Variants in SEMA3A observed in about 807,000 individuals in gnomAD.
SEMA3A encodes semaphorin 3A.
Under a neutral mutation model 97.9 loss-of-function variants are expected in SEMA3A, and 29 were observed. That is an observed-to-expected ratio of 0.30 (90% CI 0.22 to 0.40). The LOEUF (loss-of-function observed/expected upper bound fraction) is 0.40, where lower values mean the gene tolerates loss of function less well. SEMA3A is among the 10% of genes least tolerant of loss of function. The pLI, the probability that SEMA3A is intolerant of heterozygous loss-of-function variation, is 1.00. For missense variants in SEMA3A, 763 were observed against 951.3 expected, an observed-to-expected ratio of 0.80 and a Z score of 2.60; for synonymous variants, 321 against 323.7, an observed-to-expected ratio of 0.99 and a Z score of 0.09.
chr7:84,213,465 T>G (rs978851286), intron 3 of SEMA3A, among the ~76,000 whole-genome samples: 3 of 152,140 alleles, frequency 2.0e-5, no homozygotes, highest in Non-Finnish European at 4.4e-5. Context: ...TTAAATGTTT[T>G]TTATAGATGA....
chr7:84,299,295 CATATATATATCTCCATAT>C (rs1236687503), intron 3 of SEMA3A, among the ~76,000 whole-genome samples: 2 of 89,860 alleles, frequency 2.2e-5, no homozygotes, highest in South Asian at 4.1e-4. Context: ...TATCTATCTC[CATATATATATCTCCATAT>C]ATATATATAT....
chr7:84,079,036 TATAA>T (rs1304652686), intron 4 of SEMA3A, among the ~76,000 whole-genome samples: 1 of 152,100 alleles, frequency 6.6e-6, no homozygotes. Context: ...TTGAATTATT[TATAA>T]ATAATTTCTC....
intron 4 of SEMA3A, among the ~76,000 whole-genome samples, chr7:84,103,993 A>G (rs1795033720): frequency 6.6e-6 from 1 of 152,144 alleles, no homozygotes; most frequent in Non-Finnish European, 1.5e-5. Flanking sequence ...TATATGAGAA[A>G]GAGTAAGTAG....
chr7:84,333,441 A>G (rs1801953091), intron 2 of SEMA3A, among the ~76,000 whole-genome samples: 1 of 152,156 alleles, frequency 6.6e-6, no homozygotes, highest in Non-Finnish European at 1.5e-5. Context: ...AATGCTTAGC[A>G]CACATAGAAG....
At chr7:84,433,366 G>C (rs113368670) in intron 1 of SEMA3A, among the ~76,000 whole-genome samples, 2 of 151,778 alleles carry the variant, frequency 1.3e-5, no homozygotes, top group East Asian at 3.9e-4. Flanking sequence ...TGAGAATGAT[G>C]GTTTCCAGCA....
intron 1 of SEMA3A, among the ~76,000 whole-genome samples, chr7:84,410,097 A>C (rs1804219194): frequency 6.6e-6 from 1 of 152,084 alleles, no homozygotes; most frequent in African/African-American, 2.4e-5. Context: ...TTGAAAATAC[A>C]AGACTGTTAA....
At chr7:84,055,379 C>G (rs995575191) in intron 5 of SEMA3A, among the ~76,000 whole-genome samples, 24 of 152,118 alleles carry the variant, frequency 1.6e-4, no homozygotes, top group Admixed American at 8.5e-4. Context: ...AGGACCCTCC[C>G]AGCCAGGTGT....
intron 12 of SEMA3A, among the ~76,000 whole-genome samples, chr7:83,999,471 T>C (rs1276739509): frequency 1.3e-5 from 2 of 152,108 alleles, no homozygotes; most frequent in Non-Finnish European, 2.9e-5. Context: ...TGTCGTGATA[T>C]GATACAATTC....
chr7:84,316,770 T>C (rs1219430781), intron 2 of SEMA3A, among the ~76,000 whole-genome samples: 5 of 152,046 alleles, frequency 3.3e-5, no homozygotes, highest in Admixed American at 2.6e-4. Flanking sequence ...TTTCCAAAAC[T>C]GTTAGTGGTC....
At chr7:84,390,605 CTCAAGCCCTCA>C (rs1410829460) in intron 1 of SEMA3A, among the ~76,000 whole-genome samples, 1 of 151,926 alleles carries the variant, frequency 6.6e-6, no homozygotes, top group African/African-American at 2.4e-5. Flanking sequence ...GCGTAAGATT[CTCAAGCCCTCA>C]ATAAGTGACA....
chr7:84,336,567 C>A (rs1183394390), intron 2 of SEMA3A, among the ~76,000 whole-genome samples: 1 of 152,148 alleles, frequency 6.6e-6, no homozygotes, highest in Non-Finnish European at 1.5e-5. Context: ...CTGCATTTCA[C>A]AACCTCCATT....
chr7:84,052,391 C>T (rs1433737427), intron 5 of SEMA3A, among the ~76,000 whole-genome samples: 4 of 152,124 alleles, frequency 2.6e-5, no homozygotes, highest in Non-Finnish European at 5.9e-5. Flanking sequence ...ATTTCAGATC[C>T]TGTTATTGGT....
At chr7:84,312,686 CACAA>C (rs149780456) in intron 2 of SEMA3A, among the ~76,000 whole-genome samples, 6,478 of 149,146 alleles carry the variant, frequency 0.043, 450 homozygotes, top group African/African-American at 0.15. Flanking sequence ...CACGCGTGTA[CACAA>C]ACACTCTTTG....
intron 4 of SEMA3A, among the ~76,000 whole-genome samples, chr7:84,074,826 T>G (rs966695489): frequency 2.5e-5 from 3 of 117,948 alleles, no homozygotes; most frequent in African/African-American, 8.8e-5. Flanking sequence ...TTTCAAAAAT[T>G]CTACACTTTA....
chr7:84,011,128 A>T (rs776380649), intron 8 of SEMA3A, 37 bp from the exon 9 acceptor site: 2 of 1,604,866 alleles, frequency 1.2e-6, no homozygotes, highest in Non-Finnish European at 8.5e-7. Context: ...TTGCTTTTTT[A>T]TGGAATGGCA....
intron 4 of SEMA3A, among the ~76,000 whole-genome samples, chr7:84,084,165 C>T (rs1348633243): frequency 2.0e-5 from 3 of 151,918 alleles, no homozygotes; most frequent in Admixed American, 6.6e-5. Flanking sequence ...TATGGAAGAA[C>T]CATTTATAAT....
intron 1 of SEMA3A, among the ~76,000 whole-genome samples, chr7:84,392,653 C>T (rs1803614274): frequency 6.6e-6 from 1 of 152,232 alleles, no homozygotes; most frequent in South Asian, 2.1e-4. Context: ...TTCCATAATG[C>T]TTTTCCTAAT....
At chr7:84,073,154 A>C (rs1793804710) in intron 4 of SEMA3A, among the ~76,000 whole-genome samples, 1 of 152,136 alleles carries the variant, frequency 6.6e-6, no homozygotes, top group African/African-American at 2.4e-5. Flanking sequence ...GAAACTGGAA[A>C]CCATCAGAGT....
chr7:84,062,960 G>T (rs1793310823), intron 4 of SEMA3A, among the ~76,000 whole-genome samples: 1 of 151,900 alleles, frequency 6.6e-6, no homozygotes, highest in Non-Finnish European at 1.5e-5. Context: ...TCCACCTCTG[G>T]GGGCAGGGCA....
Sources: gnomAD v4.1 joint callset for allele counts (sites outside exome capture counted in the v4.1 genomes callset) on GRCh38, gnomAD v4.1.1 for gene constraint, MANE v1.5 for transcripts, NCBI Gene and HGNC (gene_info 2026-07-23, HGNC 2026-07-21) for gene names.